CLSTN2: variants seen among roughly 807,000 people sequenced by gnomAD.
CLSTN2 encodes the protein calsyntenin-2.
A neutral mutation model predicts 101.2 loss-of-function variants in CLSTN2; 48 were observed. The observed-to-expected ratio is 0.47, with a 90% CI of 0.38 to 0.60. CLSTN2 has a LOEUF of 0.60. Ranked by LOEUF, CLSTN2 falls within the 20% of genes least tolerant of loss-of-function variation. The pLI is 0.00. For synonymous variants in CLSTN2, 481 were observed against 463.6 expected (o/e 1.04, Z -0.48); for missense variants, 1,160 against 1,238.2 (o/e 0.94, Z 0.95).
intron 4 of CLSTN2, among the ~76,000 whole-genome samples, chr3:140,407,121 C>G (rs1289712887): frequency 6.6e-6 from 1 of 152,180 alleles, no homozygotes; most frequent in Non-Finnish European, 1.5e-5. Flanking sequence ...GAAGCAGGAC[C>G]TAGGGGCAGA....
intron 1 of CLSTN2, among the ~76,000 whole-genome samples, chr3:139,997,804 G>GA (rs201562702): frequency 0.019 from 2,934 of 152,058 alleles, 33 homozygotes; most frequent in Middle Eastern, 0.082. Context: ...AGAGCCTCTT[G>GA]AAAAAAAATT....
intron 2 of CLSTN2, among the ~76,000 whole-genome samples, chr3:140,253,525 T>C (rs2086580773): frequency 6.6e-6 from 1 of 152,172 alleles, no homozygotes; most frequent in Non-Finnish European, 1.5e-5. Context: ...AACAGCACAG[T>C]GCAGGCAGGG....
chr3:140,410,026 AAAAT>A (rs2088345122), intron 4 of CLSTN2, among the ~76,000 whole-genome samples: 1 of 152,018 alleles, frequency 6.6e-6, no homozygotes, highest in African/African-American at 2.4e-5. Context: ...AAGAATAAAA[AAAAT>A]CAAGAAAGCC....
chr3:140,481,601 C>T (rs1294536427), intron 8 of CLSTN2, among the ~76,000 whole-genome samples: 1 of 152,104 alleles, frequency 6.6e-6, no homozygotes, highest in Non-Finnish European at 1.5e-5. Context: ...TCTTCCATTT[C>T]TTTGTATCCT....
intron 10 of CLSTN2, among the ~76,000 whole-genome samples, chr3:140,552,942 TCTC>T: frequency 6.6e-6 from 1 of 152,294 alleles, no homozygotes; most frequent in African/African-American, 2.4e-5. Flanking sequence ...CCTTGGGTCT[TCTC>T]AAATCTGAAA....
In CLSTN2 at chr3:140,460,837, TG is replaced by T. The variant is rs1421446766; in HGVS notation, c.1222+1069del. ...CCAAATAAATAACAATCACAGCAGA[TG>T]TAACAGTAAAAAGACAATATAGAAG... On this transcript the variant is annotated intron_variant, in intron 7 of 16. Coordinates refer to ENST00000458420, the MANE Select transcript of CLSTN2 (RefSeq NM_022131.3). 2.0e-5 allele frequency among the ~76,000 whole-genome samples: 3 copies of T among 152,174 alleles called. 1 individual carries two copies. Among genetic ancestry groups the T allele is most frequent in the Non-Finnish European group, 4.4e-5 (3 of 68,038 alleles).
chr3:140,238,207 C>T (rs1273396909), intron 2 of CLSTN2, among the ~76,000 whole-genome samples: 5 of 152,164 alleles, frequency 3.3e-5, no homozygotes, highest in East Asian at 3.9e-4. Flanking sequence ...GGATAGATTT[C>T]CAGAGCCTCC....
At position 140,421,156 on chromosome 3, in the gene CLSTN2, T is replaced by C. The variant is rs745730571; in HGVS notation, c.669T>C (p.Tyr223=). The change falls in exon 5 of 17, where the codon TAT becomes TAC. Residue 223 remains tyrosine (Y), a synonymous_variant. Transcript: ENST00000458420. ...TCAGGAACACTGAGAAGCTGAGCTA[T>C]GACAAACAACACCAGTATGAGATCC... ...GNIRNTEKLS[Y]DKQHQYEILV... is the part of the protein sequence containing the mutation. The C allele has an allele frequency of 1.2e-6, 2 of 1,614,136 alleles. No homozygotes were observed. The highest frequency in any genetic ancestry group is 1.7e-6 in the Non-Finnish European group (2 of 1,180,006).
At chr3:140,188,025 G>A (rs2010507364) in intron 2 of CLSTN2, among the ~76,000 whole-genome samples, 1 of 152,080 alleles carries the variant, frequency 6.6e-6, no homozygotes, top group Non-Finnish European at 1.5e-5. Context: ...CTCTCCTCTG[G>A]CCCAGCACTT....
chr3:140,245,156 A>C (rs2086505001), intron 2 of CLSTN2, among the ~76,000 whole-genome samples: 1 of 152,182 alleles, frequency 6.6e-6, no homozygotes, highest in African/African-American at 2.4e-5. Flanking sequence ...CAGGGCTGGC[A>C]ATGTGTTTTA....
intron 6 of CLSTN2, chr3:140,454,230 C>T (rs1036659406): frequency 1.3e-5 from 2 of 152,130 alleles, no homozygotes; most frequent in Admixed American, 6.5e-5. Flanking sequence ...CAACATGGCC[C>T]ACTATGTTGG....
chr3:140,071,760 G>A (rs151317553), intron 1 of CLSTN2, among the ~76,000 whole-genome samples: 6,385 of 152,162 alleles, frequency 0.042, 438 homozygotes, highest in African/African-American at 0.14. Flanking sequence ...GAACTCGGGA[G>A]GCGGAGCTTG....
At chr3:140,048,805 C>G (rs2007932967) in intron 1 of CLSTN2, among the ~76,000 whole-genome samples, 1 of 152,178 alleles carries the variant, frequency 6.6e-6, no homozygotes, top group Non-Finnish European at 1.5e-5. Context: ...AGCCCTCCAG[C>G]TGCCACAGTT....
intron 1 of CLSTN2, among the ~76,000 whole-genome samples, chr3:139,977,182 T>C (rs996695327): frequency 2.6e-5 from 4 of 152,154 alleles, no homozygotes; most frequent in Non-Finnish European, 5.9e-5. Flanking sequence ...CCTTAGATGA[T>C]CTCTCATCCC....
chr3:139,943,041 A>T (rs1002996944), intron 1 of CLSTN2, among the ~76,000 whole-genome samples: 2 of 152,098 alleles, frequency 1.3e-5, no homozygotes, highest in African/African-American at 4.8e-5. Flanking sequence ...CTCACTCAGT[A>T]TCTGTTTCCT....
intron 8 of CLSTN2, among the ~76,000 whole-genome samples, chr3:140,485,191 A>G (rs541957516): frequency 3.9e-5 from 6 of 152,338 alleles, no homozygotes; most frequent in African/African-American, 1.4e-4. Flanking sequence ...ACCCTCAGCC[A>G]CAGGTCTGTT....
chr3:140,553,905 A>G (rs1559902813), intron 10 of CLSTN2, among the ~76,000 whole-genome samples: 1 of 152,158 alleles, frequency 6.6e-6, no homozygotes, highest in African/African-American at 2.4e-5. Context: ...GCGCTTCACT[A>G]AAAAGACAAG....
intron 4 of CLSTN2, among the ~76,000 whole-genome samples, chr3:140,411,811 G>A (rs986087166): frequency 1.3e-5 from 2 of 152,152 alleles, no homozygotes; most frequent in African/African-American, 2.4e-5. Context: ...TAGAAATTAG[G>A]CTGTGGGCAC....
intron 2 of CLSTN2, among the ~76,000 whole-genome samples, chr3:140,222,607 A>G (rs1283702665): frequency 6.6e-6 from 1 of 152,182 alleles, no homozygotes; most frequent in Non-Finnish European, 1.5e-5. Flanking sequence ...CCTACTATGT[A>G]CCCACAAAAA....
Sources: allele counts gnomAD v4.1 joint callset (sites outside exome capture counted in the v4.1 genomes callset), GRCh38; gene constraint gnomAD v4.1.1; transcripts MANE v1.5; gene names NCBI Gene and HGNC (gene_info 2026-07-23, HGNC 2026-07-21).